Variants in SNTG1 observed in about 807,000 individuals in gnomAD.
The protein encoded by SNTG1 is gamma-1-syntrophin.
A neutral mutation model predicts 74.7 loss-of-function variants in SNTG1; 39 were observed. The observed-to-expected ratio is 0.52, with a 90% CI of 0.40 to 0.68. The LOEUF (loss-of-function observed/expected upper bound fraction) is 0.68. Among genes scored for constraint, SNTG1 ranks in the 30% least tolerant of loss-of-function variants. The pLI is 0.00. For missense variants in SNTG1, 685 were observed against 609.5 expected, an observed-to-expected ratio of 1.12 and a Z score of -1.30; for synonymous variants, 254 against 217.1, an observed-to-expected ratio of 1.17 and a Z score of -1.49.
At chr8:50,291,242 ATGTGTGTG>A (rs35700232) in intron 2 of SNTG1, among the ~76,000 whole-genome samples, 1 of 149,184 alleles carries the variant, frequency 6.7e-6, no homozygotes, top group Non-Finnish European at 1.5e-5. Flanking sequence ...AGACAGACAT[ATGTGTGTG>A]TGTGTGTGTG....
intron 2 of SNTG1, among the ~76,000 whole-genome samples, chr8:50,332,744 T>A (rs1288444302): frequency 9.2e-5 from 14 of 152,146 alleles, no homozygotes; most frequent in Non-Finnish European, 1.0e-4. Context: ...CCTTAGCCGT[T>A]AGAATAGATT....
At chr8:50,561,942 T>G (rs148969592) in intron 12 of SNTG1, among the ~76,000 whole-genome samples, 2 of 152,280 alleles carry the variant, frequency 1.3e-5, no homozygotes, top group Non-Finnish European at 2.9e-5. Flanking sequence ...TCACTGTCAT[T>G]CCTTAGGGTC....
chr8:50,673,181 A>C (rs755026592), intron 15 of SNTG1, among the ~76,000 whole-genome samples: 2 of 152,128 alleles, frequency 1.3e-5, no homozygotes, highest in Non-Finnish European at 2.9e-5. Context: ...ATTTCACATG[A>C]AATTTGAAGT....
intron 1 of SNTG1, among the ~76,000 whole-genome samples, chr8:49,974,961 G>A (rs1812054705): frequency 6.6e-6 from 1 of 152,066 alleles, no homozygotes; most frequent in Non-Finnish European, 1.5e-5. Flanking sequence ...AGTGAAACTA[G>A]AGAAAGAACA....
At chr8:50,412,706 A>G (rs1022310055) in intron 4 of SNTG1, among the ~76,000 whole-genome samples, 2 of 152,212 alleles carry the variant, frequency 1.3e-5, no homozygotes, top group Non-Finnish European at 2.9e-5. Context: ...TTTGCGGGAT[A>G]TATGTAATTT....
intron 1 of SNTG1, among the ~76,000 whole-genome samples, chr8:50,051,817 C>A (rs1183242811): frequency 3.9e-5 from 6 of 152,142 alleles, no homozygotes; most frequent in Admixed American, 3.9e-4. Flanking sequence ...TTCAGAAGTA[C>A]TAGAGATTAG....
chr8:50,615,571 T>C (rs781049633), intron 13 of SNTG1, among the ~76,000 whole-genome samples: 24 of 152,260 alleles, frequency 1.6e-4, no homozygotes, highest in Non-Finnish European at 2.8e-4. Flanking sequence ...GAAATCATCA[T>C]GCCATAGGAA....
At chr8:50,618,639 G>A (rs1188906804) in intron 13 of SNTG1, among the ~76,000 whole-genome samples, 1 of 152,150 alleles carries the variant, frequency 6.6e-6, no homozygotes, top group Admixed American at 6.5e-5. Flanking sequence ...TCATCTGGAG[G>A]CTCCGCTGTG....
At chr8:50,770,495 G>A (rs918896024) in intron 18 of SNTG1, among the ~76,000 whole-genome samples, 1 of 151,992 alleles carries the variant, frequency 6.6e-6, no homozygotes, top group Non-Finnish European at 1.5e-5. Flanking sequence ...ATAAGACCCA[G>A]CACCTCAGAA....
chr8:50,071,175 A>T (rs974057091), intron 1 of SNTG1, among the ~76,000 whole-genome samples: 14 of 152,176 alleles, frequency 9.2e-5, no homozygotes, highest in Admixed American at 9.2e-4. Flanking sequence ...TGTGGACCTC[A>T]TTAGTCCATC....
chr8:50,265,252 C>T (rs1176586128), intron 2 of SNTG1, among the ~76,000 whole-genome samples: 1 of 151,978 alleles, frequency 6.6e-6, no homozygotes, highest in Admixed American at 6.5e-5. Flanking sequence ...GAAAATCAAT[C>T]CCAGCAACAC....
chr8:50,415,981 T>A (rs1426720455), intron 4 of SNTG1, among the ~76,000 whole-genome samples: 1 of 152,094 alleles, frequency 6.6e-6, no homozygotes, highest in Non-Finnish European at 1.5e-5. Flanking sequence ...ATGTTCTGAG[T>A]GTTCAAATAT....
chr8:50,707,183 G>C (rs751267331), intron 16 of SNTG1, among the ~76,000 whole-genome samples: 1 of 151,796 alleles, frequency 6.6e-6, no homozygotes, highest in Non-Finnish European at 1.5e-5. Context: ...AATTTAATTT[G>C]TAATGCTGAA....
chr8:50,165,506 T>C (rs1164798158), intron 1 of SNTG1, among the ~76,000 whole-genome samples: 2 of 152,228 alleles, frequency 1.3e-5, no homozygotes, highest in Non-Finnish European at 2.9e-5. Flanking sequence ...GATAGAGCTT[T>C]TGTATCTGGA....
intron 9 of SNTG1, among the ~76,000 whole-genome samples, chr8:50,528,879 TTTA>T (rs2094243557): frequency 1.3e-5 from 2 of 151,674 alleles, no homozygotes; most frequent in Non-Finnish European, 3.0e-5. Context: ...ATTAATTTTC[TTTA>T]TTATTTTCTC....
chr8:50,163,342 G>A lies in SNTG1; in HGVS notation c.-102-9219G>A, dbSNP rs1319178753. On this transcript the variant is annotated intron_variant, in intron 1 of 18. Transcript: ENST00000642720. Reference sequence around the variant, plus strand: ...GATTAGAAGACGACTTTTCTGTGTCGCTTTTACTGTTGCTTCCGAGTATTC... The same window carrying A: ...GATTAGAAGACGACTTTTCTGTGTCACTTTTACTGTTGCTTCCGAGTATTC... Among the ~76,000 whole-genome samples the A allele has an allele frequency of 3.3e-5, 5 of 150,972 alleles. 1 individual carries two copies. The highest frequency in any genetic ancestry group is 3.3e-4 in the Admixed American group (5 of 15,178).
At chr8:50,500,090 C>T (rs2093938187) in intron 8 of SNTG1, among the ~76,000 whole-genome samples, 1 of 151,988 alleles carries the variant, frequency 6.6e-6, no homozygotes, top group Non-Finnish European at 1.5e-5. Context: ...TCTGTGGGCT[C>T]ATGTCTGTCA....
intron 1 of SNTG1, among the ~76,000 whole-genome samples, chr8:49,944,900 G>T (rs951892995): frequency 1.3e-5 from 2 of 151,800 alleles, no homozygotes; most frequent in African/African-American, 4.8e-5. Context: ...CGATTCTCTT[G>T]CCTCAGCCTC....
intron 2 of SNTG1, among the ~76,000 whole-genome samples, chr8:50,201,987 T>A (rs2084005006): frequency 6.6e-6 from 1 of 152,116 alleles, no homozygotes; most frequent in Non-Finnish European, 1.5e-5. Flanking sequence ...AACCCACGTC[T>A]CCATGGGCAA....
Sources: allele counts gnomAD v4.1 joint callset (sites outside exome capture counted in the v4.1 genomes callset), GRCh38; gene constraint gnomAD v4.1.1; transcripts MANE v1.5; gene names NCBI Gene and HGNC (gene_info 2026-07-23, HGNC 2026-07-21).